The following ATXN1 variants were observed in gnomAD, a reference collection of about 807,000 sequenced individuals.
ATXN1 encodes the protein ataxin-1.
ATXN1 carries 8 observed loss-of-function variants against 56.4 expected under a neutral mutation model. The ratio of observed to expected loss-of-function variants is 0.14; its 90% CI spans 0.08 to 0.26. ATXN1 has a LOEUF of 0.26. Among genes scored for constraint, ATXN1 ranks in the 10% least tolerant of loss-of-function variants. ATXN1 has a pLI of 1.00. For synonymous variants in ATXN1, 514 were observed against 494.6 expected (o/e 1.04, Z -0.52); for missense variants, 987 against 1,106.5 (o/e 0.89, Z 1.53).
rs553376568 is a variant in ATXN1, at chr6:16,359,330, T to C, written c.-160-30860A>G. On this transcript the variant is annotated intron_variant, in intron 6 of 7. Transcript: ENST00000436367. ...CCACCCATGGCCACCCATGGACCAA[T>C]TGGCACATACTTCCTCCCCTCTGAG... Among the ~76,000 whole-genome samples, 82 of 152,112 alleles carry C rather than the reference T, an allele frequency of 5.4e-4. 1 individual carries two copies. In the South Asian group the frequency reaches 5.8e-3, roughly 11 times the overall value.
chr6:16,415,003 T>C (rs1203114969), intron 6 of ATXN1, among the ~76,000 whole-genome samples: 1 of 152,204 alleles, frequency 6.6e-6, no homozygotes, highest in Non-Finnish European at 1.5e-5. Flanking sequence ...TCTCAGGCAT[T>C]GTACCAAGGG....
At chr6:16,683,167 A>C (rs932121559) in intron 2 of ATXN1, among the ~76,000 whole-genome samples, 3 of 152,348 alleles carry the variant, frequency 2.0e-5, no homozygotes, top group Admixed American at 6.5e-5. Flanking sequence ...TAATACAATC[A>C]ATCACTTCCT....
At chr6:16,616,504 C>T (rs1763211258) in intron 3 of ATXN1, among the ~76,000 whole-genome samples, 1 of 147,464 alleles carries the variant, frequency 6.8e-6, no homozygotes, top group African/African-American at 2.5e-5. Context: ...CATGCCACTG[C>T]ACTCCAGCCT....
intron 2 of ATXN1, among the ~76,000 whole-genome samples, chr6:16,691,000 A>G (rs563377220): frequency 2.7e-4 from 41 of 152,388 alleles, no homozygotes; most frequent in African/African-American, 9.9e-4. Flanking sequence ...GAAGGAAGAC[A>G]GTAAGAGAGT....
In ATXN1 at chr6:16,327,685, T is replaced by C. The variant is rs1355997762; in HGVS notation, c.626A>G (p.His209Arg). The C allele has an allele frequency of 1.7e-6, 2 of 1,145,360 alleles. No individual in the cohort carries two copies. The highest frequency in any genetic ancestry group is 2.2e-6 in the Non-Finnish European group (2 of 897,138). 70.9% of individuals were successfully genotyped at this position (1,145,360 alleles called of 1,614,324 possible). A position where few individuals can be genotyped will look rare whatever the true frequency, so the allele number is the denominator to read the frequency against. Residue 209 changes from histidine to arginine, a missense_variant, in exon 7 of 8, where the codon CAT becomes CGT. Physicochemically the swap from His to Arg is conservative, Grantham distance 29 (BLOSUM62 0). Transcript: ENST00000436367. ...QQQQQQQQQQ[H>R]QHQQQQQQQQ... ...CTGCTGCTGCTGCTGCTGATGCTGATGCTGCTGCTGCTGCTGCTGCTGCTG... is the reference window on the plus strand; with the variant it reads ...CTGCTGCTGCTGCTGCTGATGCTGACGCTGCTGCTGCTGCTGCTGCTGCTG...
At chr6:16,402,608 T>C (rs1758600733) in intron 6 of ATXN1, among the ~76,000 whole-genome samples, 1 of 152,164 alleles carries the variant, frequency 6.6e-6, no homozygotes. Context: ...ATGCAAGGCT[T>C]AGCTGGAACA....
chr6:16,538,575 T>C (rs1050379138), intron 4 of ATXN1, among the ~76,000 whole-genome samples: 1 of 150,274 alleles, frequency 6.7e-6, no homozygotes, highest in African/African-American at 2.4e-5. Flanking sequence ...AATGCTATCC[T>C]TCCCCCCTCC....
chr6:16,624,692 G>A (rs1763377972), intron 3 of ATXN1, among the ~76,000 whole-genome samples: 4 of 152,094 alleles, frequency 2.6e-5, no homozygotes, highest in Admixed American at 2.6e-4. Flanking sequence ...TACTGTGGGT[G>A]AGAATATAAA....
intron 6 of ATXN1, among the ~76,000 whole-genome samples, chr6:16,453,493 A>G (rs1347496743): frequency 2.6e-5 from 4 of 152,162 alleles, no homozygotes; most frequent in Non-Finnish European, 4.4e-5. Flanking sequence ...GGGGTAAAAA[A>G]CCATAATTGT....
chr6:16,548,643 GGCAGGAGCAGTGGT>G (rs1761858737), intron 4 of ATXN1, among the ~76,000 whole-genome samples: 1 of 151,412 alleles, frequency 6.6e-6, no homozygotes, highest in South Asian at 2.1e-4. Context: ...ACAATACTAA[GGCAGGAGCAGTGGT>G]GCACACCTGT....
intron 2 of ATXN1, among the ~76,000 whole-genome samples, chr6:16,658,165 G>C (rs1758244469): frequency 6.6e-6 from 1 of 152,020 alleles, no homozygotes; most frequent in African/African-American, 2.4e-5. Flanking sequence ...TTGAAAATCA[G>C]AATGTACACC....
At chr6:16,445,673 CT>C (rs1374503683) in intron 6 of ATXN1, among the ~76,000 whole-genome samples, 3 of 109,016 alleles carry the variant, frequency 2.8e-5, no homozygotes, top group Non-Finnish European at 5.5e-5. Flanking sequence ...TCCCTCCCCC[CT>C]CCCCCCACCC....
At chr6:16,394,719 T>C (rs1758418516) in intron 6 of ATXN1, among the ~76,000 whole-genome samples, 1 of 152,230 alleles carries the variant, frequency 6.6e-6, no homozygotes, top group Non-Finnish European at 1.5e-5. Context: ...TAAACCATTT[T>C]TCAATACTAA....
intron 5 of ATXN1, among the ~76,000 whole-genome samples, chr6:16,518,923 A>G (rs935446839): frequency 4.6e-5 from 7 of 152,182 alleles, no homozygotes; most frequent in African/African-American, 7.2e-5. Flanking sequence ...TGAAGCCTTT[A>G]GATATTCTTA....
intron 6 of ATXN1, among the ~76,000 whole-genome samples, chr6:16,400,737 C>T (rs1758549472): frequency 6.6e-6 from 1 of 152,154 alleles, no homozygotes; most frequent in African/African-American, 2.4e-5. Flanking sequence ...TCTCAATGAG[C>T]TTACAGTCTA....
chr6:16,474,582 AC>A (rs1456548037), intron 6 of ATXN1, among the ~76,000 whole-genome samples: 1 of 152,212 alleles, frequency 6.6e-6, no homozygotes, highest in Non-Finnish European at 1.5e-5. Flanking sequence ...ATGGCTTGTT[AC>A]ACAGTATATG....
chr6:16,627,361 G>A lies in ATXN1; in HGVS notation c.-489+30415C>T, dbSNP rs149243816. Among the ~76,000 whole-genome samples, 471 of 152,290 alleles carry A rather than the reference G, an allele frequency of 3.1e-3. 3 individuals are homozygous for A. Among genetic ancestry groups the A allele is most frequent in the African/African-American group, 0.011 (441 of 41,566 alleles). ...TTTTCCCTGGCTACACTGAGCCACT[G>A]GCAGTAGGCCTCCCAAACACTTCCC... is the stretch of plus-strand genomic sequence containing the variant. On this transcript the variant is annotated intron_variant, in intron 3 of 7. Coordinates refer to ENST00000436367, the MANE Select transcript of ATXN1 (RefSeq NM_001128164.2).
chr6:16,618,245 A>G (rs1378050311), intron 3 of ATXN1, among the ~76,000 whole-genome samples: 1 of 152,136 alleles, frequency 6.6e-6, no homozygotes, highest in Non-Finnish European at 1.5e-5. Context: ...GGGGAACATC[A>G]CACACCGGGG....
At chr6:16,579,937 C>T (rs77763911) in intron 4 of ATXN1, among the ~76,000 whole-genome samples, 1,694 of 152,194 alleles carry the variant, frequency 0.011, 36 homozygotes, top group African/African-American at 0.039. Flanking sequence ...AAACTACCTT[C>T]CCAAATTTTA....
Sources: gnomAD v4.1 joint callset for allele counts (sites outside exome capture counted in the v4.1 genomes callset) on GRCh38, gnomAD v4.1.1 for gene constraint, MANE v1.5 for transcripts, NCBI Gene and HGNC (gene_info 2026-07-23, HGNC 2026-07-21) for gene names.